LRRIQ3: variants seen among roughly 807,000 people sequenced by gnomAD.
LRRIQ3 encodes leucine rich repeats and IQ motif containing 3, also known as leucine-rich repeat and IQ domain-containing protein 3.
In LRRIQ3, 75 loss-of-function variants were observed where a neutral mutation model predicts 59.3. The observed-to-expected ratio is 1.26, with a 90% CI of 1.05 to 1.53. The LOEUF (loss-of-function observed/expected upper bound fraction) is 1.53. LRRIQ3 is among the 40% of genes most tolerant of loss of function. LRRIQ3 has a pLI of 0.00. For synonymous variants in LRRIQ3, 250 were observed against 231.3 expected, an observed-to-expected ratio of 1.08 and a Z score of -0.73; for missense variants, 831 against 710.0, an observed-to-expected ratio of 1.17 and a Z score of -1.94.
chr1:74,088,713 G>T (rs368071307), intron 5 of LRRIQ3, among the ~76,000 whole-genome samples: 1 of 151,586 alleles, frequency 6.6e-6, no homozygotes, highest in Non-Finnish European at 1.5e-5. Context: ...TACTATAAAC[G>T]CTTAGAAGAA....
At chr1:74,166,777 C>A (rs1363015564) in intron 3 of LRRIQ3, among the ~76,000 whole-genome samples, 1 of 151,538 alleles carries the variant, frequency 6.6e-6, no homozygotes, top group Non-Finnish European at 1.5e-5. Flanking sequence ...ACACCATCCT[C>A]TTTTGGGCTA....
rs192248055 is a variant in LRRIQ3, at chr1:74,149,734, T to A, written c.707+5999A>T. Among the ~76,000 whole-genome samples, 183 of 152,322 alleles carry A rather than the reference T, an allele frequency of 1.2e-3. 1 individual carries two copies. The highest frequency in any genetic ancestry group is 4.4e-3 in the African/African-American group (181 of 41,580). The stretch of plus-strand genomic sequence containing the variant: ...AACTTCTGCTATTTTTCTATCTTCA[T>A]GAGACAGATGCTTAGATTCTTGATA... On this transcript the variant is annotated intron_variant, in intron 4 of 7. Transcript: ENST00000354431.
At chr1:74,044,290 T>C (rs983431971) in intron 6 of LRRIQ3, among the ~76,000 whole-genome samples, 3 of 152,110 alleles carry the variant, frequency 2.0e-5, no homozygotes, top group Non-Finnish European at 4.4e-5. Context: ...ATGTTGGATA[T>C]TGGGCCTAGT....
intron 4 of LRRIQ3, among the ~76,000 whole-genome samples, chr1:74,121,405 G>A (rs962642402): frequency 4.6e-5 from 7 of 152,086 alleles, no homozygotes; most frequent in Non-Finnish European, 8.8e-5. Context: ...AGAGGATTAC[G>A]GCTGCCCTAG....
intron 1 of LRRIQ3, among the ~76,000 whole-genome samples, chr1:74,197,519 C>T (rs1393760599): frequency 6.6e-6 from 1 of 152,082 alleles, no homozygotes; most frequent in Non-Finnish European, 1.5e-5. Flanking sequence ...TGACTTATTC[C>T]TAAGAGTGTT....
intron 5 of LRRIQ3, among the ~76,000 whole-genome samples, chr1:74,091,901 G>A (rs978967496): frequency 2.6e-5 from 4 of 151,580 alleles, no homozygotes; most frequent in Non-Finnish European, 4.4e-5. Flanking sequence ...TTTAATATTC[G>A]TTTACCTTTG....
intron 5 of LRRIQ3, among the ~76,000 whole-genome samples, chr1:74,105,634 C>T (rs1369644087): frequency 6.6e-6 from 1 of 151,766 alleles, no homozygotes; most frequent in Non-Finnish European, 1.5e-5. Context: ...ACAAACAGCT[C>T]ATCAGATTTA....
chr1:74,058,977 C>A (rs1654620378), intron 6 of LRRIQ3, among the ~76,000 whole-genome samples: 1 of 152,000 alleles, frequency 6.6e-6, no homozygotes, highest in South Asian at 2.1e-4. Flanking sequence ...TTTGCACTGT[C>A]TGTGTTTTTT....
intron 4 of LRRIQ3, among the ~76,000 whole-genome samples, chr1:74,139,311 G>A (rs544090768): frequency 6.7e-6 from 1 of 150,236 alleles, no homozygotes; most frequent in African/African-American, 2.4e-5. Flanking sequence ...AGGGAGGGAG[G>A]GAAGGAAAAA....
chr1:74,193,754 AAAGT>A lies in LRRIQ3; in HGVS notation c.-1+4238_-1+4241del, dbSNP rs1650921748. Among the ~76,000 whole-genome samples, 3 of 152,194 alleles carry A rather than the reference AAAGT, an allele frequency of 2.0e-5. No individual in the cohort carries two copies. In the South Asian group the frequency reaches 6.2e-4, roughly 32 times the overall value. On this transcript the variant is annotated intron_variant, in intron 1 of 7. Coordinates refer to ENST00000354431, the MANE Select transcript of LRRIQ3 (RefSeq NM_001105659.2). ...AATATTAGATTTGATGGTCTACATG[AAAGT>A]AATTTATTTTATAAGCATGAACTAT...
intron 1 of LRRIQ3, among the ~76,000 whole-genome samples, chr1:74,190,426 T>A (rs1332299142): frequency 1.3e-5 from 2 of 151,806 alleles, no homozygotes; most frequent in Non-Finnish European, 2.9e-5. Flanking sequence ...AAAGAATCTC[T>A]GACTTTGAGG....
chr1:74,115,766 T>C (rs1646768877), intron 4 of LRRIQ3, among the ~76,000 whole-genome samples: 1 of 152,210 alleles, frequency 6.6e-6, no homozygotes, highest in South Asian at 2.1e-4. Context: ...TATTACAGTT[T>C]AGCTTCAGGG....
intron 5 of LRRIQ3, among the ~76,000 whole-genome samples, chr1:74,087,835 A>T (rs2100510097): frequency 6.6e-6 from 1 of 152,180 alleles, no homozygotes; most frequent in South Asian, 2.1e-4. Flanking sequence ...GCCGTGGCTC[A>T]CAGCTGTAAT....
At chr1:74,032,276 T>A (rs1653741636) in intron 7 of LRRIQ3, among the ~76,000 whole-genome samples, 1 of 152,022 alleles carries the variant, frequency 6.6e-6, no homozygotes, top group East Asian at 1.9e-4. Flanking sequence ...CAGAACAAAG[T>A]TGGAATCTAT....
At chr1:74,080,554 A>AT (rs1462013268) in intron 5 of LRRIQ3, among the ~76,000 whole-genome samples, 3 of 151,740 alleles carry the variant, frequency 2.0e-5, no homozygotes, top group Non-Finnish European at 3.0e-5. Flanking sequence ...TGTCTTTCAA[A>AT]TTCAAGGTGC....
chr1:74,097,933 A>G (rs962070699), intron 5 of LRRIQ3, among the ~76,000 whole-genome samples: 5 of 152,322 alleles, frequency 3.3e-5, no homozygotes, highest in Non-Finnish European at 7.3e-5. Context: ...AACAACCAGT[A>G]CCAGCCACTG....
At chr1:74,104,897 G>C (rs1646587591) in intron 5 of LRRIQ3, among the ~76,000 whole-genome samples, 1 of 151,724 alleles carries the variant, frequency 6.6e-6, no homozygotes, top group African/African-American at 2.4e-5. Context: ...CCAATTGTGG[G>C]GTATAGGGAA....
intron 3 of LRRIQ3, among the ~76,000 whole-genome samples, chr1:74,159,069 C>T (rs1648511605): frequency 6.6e-6 from 1 of 152,094 alleles, no homozygotes; most frequent in Non-Finnish European, 1.5e-5. Context: ...TTCCACTTCC[C>T]CACATTCATT....
intron 5 of LRRIQ3, among the ~76,000 whole-genome samples, chr1:74,090,920 A>C (rs943436715): frequency 6.6e-6 from 1 of 152,080 alleles, no homozygotes; most frequent in African/African-American, 2.4e-5. Context: ...TAAATACATA[A>C]ATCAAAATAA....
Sources: allele counts gnomAD v4.1 joint callset (sites outside exome capture counted in the v4.1 genomes callset), GRCh38; gene constraint gnomAD v4.1.1; transcripts MANE v1.5; gene names NCBI Gene and HGNC (gene_info 2026-07-23, HGNC 2026-07-21).